LRBA: variants seen among roughly 807,000 people sequenced by gnomAD.
The protein encoded by LRBA is LPS responsive beige-like anchor protein.
Under a neutral mutation model 330.0 loss-of-function variants are expected in LRBA, and 176 were observed. That is an observed-to-expected ratio of 0.53 (90% confidence interval 0.47 to 0.60). The LOEUF (loss-of-function observed/expected upper bound fraction) is 0.60, where lower values mean the gene tolerates loss of function less well. LRBA is among the 20% of genes least tolerant of loss of function. The pLI is 0.00. For synonymous variants in LRBA, 1,230 were observed against 1,193.0 expected (o/e 1.03, Z -0.64); for missense variants, 3,259 against 3,444.8 (o/e 0.95, Z 1.35).
At position 150,583,543 on chromosome 4, in the gene LRBA, C is replaced by T; in HGVS notation, c.6330+4505G>A. On this transcript the variant is annotated intron_variant, in intron 40 of 56. Coordinates refer to ENST00000651943, the MANE Select transcript of LRBA (RefSeq NM_001364905.1). The surrounding 1 kb of genome is among the most constrained non-coding windows in gnomAD (Gnocchi z 9.8). ...GGAGCGCTATGTGGTGCAAATCACT[C>T]CGGCGTTCAAGTGCACCGGGATCTG... The T allele has an allele frequency of 6.2e-7, 1 of 1,613,824 alleles. No homozygotes were observed. Among genetic ancestry groups the T allele is most frequent in the South Asian group, 1.1e-5 (1 of 91,060 alleles).
At chr4:150,825,063 CA>C (rs1281550163) in intron 30 of LRBA, among the ~76,000 whole-genome samples, 2,384 of 120,562 alleles carry the variant, frequency 0.02, 36 homozygotes, top group African/African-American at 0.059. Context: ...TGCACCCAGA[CA>C]AAAAAAAAAA....
chr4:150,759,086 G>T (rs1055852431), intron 35 of LRBA, among the ~76,000 whole-genome samples: 2 of 150,538 alleles, frequency 1.3e-5, no homozygotes, highest in Non-Finnish European at 3.0e-5. Flanking sequence ...CAGGCTAATT[G>T]TTTGCATTTT....
intron 37 of LRBA, among the ~76,000 whole-genome samples, chr4:150,649,812 T>C (rs1010084908): frequency 6.6e-6 from 1 of 152,072 alleles, no homozygotes; most frequent in African/African-American, 2.4e-5. Context: ...TAGCAAATAC[T>C]CAATACATAT....
intron 40 of LRBA, among the ~76,000 whole-genome samples, chr4:150,526,066 G>T (rs1451811216): frequency 1.3e-5 from 2 of 152,050 alleles, no homozygotes; most frequent in Non-Finnish European, 2.9e-5. Flanking sequence ...ATTCATTTGT[G>T]AGGAATATAT....
At chr4:150,988,274 T>C (rs1455046203) in intron 2 of LRBA, among the ~76,000 whole-genome samples, 1 of 152,190 alleles carries the variant, frequency 6.6e-6, no homozygotes, top group Non-Finnish European at 1.5e-5. Flanking sequence ...TTATTGAGCA[T>C]GGTACTACTA....
intron 23 of LRBA, among the ~76,000 whole-genome samples, chr4:150,851,656 C>A (rs1750634570): frequency 6.6e-6 from 1 of 152,164 alleles, no homozygotes; most frequent in Non-Finnish European, 1.5e-5. Flanking sequence ...GTGGTAACTT[C>A]TGGTGATACT....
chr4:150,285,837 A>G, intron 54 of LRBA, 96 bp downstream of exon 54: 1 of 644,202 alleles, frequency 1.6e-6, no homozygotes, highest in Non-Finnish European at 2.5e-6. Context: ...TAACAGACAG[A>G]AGCTTTAGAA....
At chr4:150,964,115 G>A (rs1170475475) in intron 2 of LRBA, among the ~76,000 whole-genome samples, 3 of 148,254 alleles carry the variant, frequency 2.0e-5, no homozygotes, top group Admixed American at 1.3e-4. Flanking sequence ...CAGCCGCCCC[G>A]TCCAGGAGGT....
At chr4:150,906,468 G>C in intron 11 of LRBA, 63 bp from the exon 12 acceptor site, 4 of 907,462 alleles carry the variant, frequency 4.4e-6, no homozygotes, top group Non-Finnish European at 7.2e-6. Flanking sequence ...AATTAGGTTA[G>C]ATAGATGTAA....
At chr4:150,510,009 G>A (rs1361652679) in intron 40 of LRBA, among the ~76,000 whole-genome samples, 1 of 152,192 alleles carries the variant, frequency 6.6e-6, no homozygotes, top group Non-Finnish European at 1.5e-5. Context: ...GGTGGCACAT[G>A]CCTGTAATCC....
rs1750782150 is a variant in LRBA at position 150,852,930 on chromosome 4, A to T, written c.2780T>A (p.Ile927Lys). 1.9e-6 allele frequency: 3 copies of T among 1,561,600 alleles called. No homozygotes were observed. In the African/African-American group the frequency reaches 4.1e-5, roughly 21 times the overall value. ...TATATTGGCAAGGTTTTCTTTGTGT[A>T]TTTCAAAAGTGACCTAGGTGAAAAA... ...SITHSKVTFE[I>K]HKENLANIFR... Residue 927 changes from isoleucine to lysine, a missense_variant, in exon 23 of 57, where the codon ATA (isoleucine) becomes AAA (lysine). Coordinates refer to ENST00000651943, the MANE Select transcript of LRBA (RefSeq NM_001364905.1).
chr4:150,926,821 C>A (rs768957914), intron 4 of LRBA, among the ~76,000 whole-genome samples: 3 of 151,984 alleles, frequency 2.0e-5, no homozygotes, highest in African/African-American at 4.8e-5. Context: ...GCCTGTAATC[C>A]CAGCACTTTG....
chr4:150,760,873 G>T (rs932162063), intron 35 of LRBA, among the ~76,000 whole-genome samples: 1 of 152,128 alleles, frequency 6.6e-6, no homozygotes, highest in African/African-American at 2.4e-5. Context: ...GATTTTAGTA[G>T]TATTTAAAAT....
At chr4:150,727,593 AAAC>A (rs1467930016) in intron 36 of LRBA, among the ~76,000 whole-genome samples, 3 of 152,190 alleles carry the variant, frequency 2.0e-5, no homozygotes, top group Non-Finnish European at 4.4e-5. Context: ...TATTGAAATT[AAAC>A]AATATGTTCC....
At chr4:150,912,209 G>C (rs1426683938) in intron 9 of LRBA, among the ~76,000 whole-genome samples, 1 of 152,016 alleles carries the variant, frequency 6.6e-6, no homozygotes, top group African/African-American at 2.4e-5. Flanking sequence ...CCAGGTATAT[G>C]ACCTGTTAGG....
intron 34 of LRBA, among the ~76,000 whole-genome samples, chr4:150,771,640 C>A (rs1361282661): frequency 6.6e-6 from 1 of 152,096 alleles, no homozygotes; most frequent in Non-Finnish European, 1.5e-5. Flanking sequence ...AACTTGCTAC[C>A]AGGTAACAGG....
At chr4:150,421,152 T>A (rs183575321) in intron 46 of LRBA, among the ~76,000 whole-genome samples, 7,993 of 92,564 alleles carry the variant, frequency 0.086, 543 homozygotes, top group Middle Eastern at 0.13. Flanking sequence ...ATACATTATA[T>A]TATATATAAA....
rs560061169 is a variant in LRBA, at chr4:150,787,021, A to G, written c.5580+11060T>C. Among the ~76,000 whole-genome samples the G allele has an allele frequency of 5.3e-5, 8 of 152,298 alleles. No individual in the cohort carries two copies. The South Asian group carries it at 1.4e-3, about 28-fold the overall frequency. ...CAAAGGTGAGCAAATCACCTGAAGT[A>G]GAGAGTTCAAGACCAGCCTGGCCAA... On this transcript the variant is annotated intron_variant, in intron 34 of 56. Coordinates refer to ENST00000651943, the MANE Select transcript of LRBA (RefSeq NM_001364905.1).
intron 32 of LRBA, among the ~76,000 whole-genome samples, chr4:150,806,613 A>C (rs538842387): frequency 1.3e-5 from 2 of 152,234 alleles, no homozygotes; most frequent in South Asian, 2.1e-4. Flanking sequence ...AATCTCCAAC[A>C]AACAACCTGG....
Sources: gnomAD v4.1 joint callset for allele counts (sites outside exome capture counted in the v4.1 genomes callset) on GRCh38, gnomAD v4.1.1 for gene constraint, Gnocchi (gnomAD v3.1) non-coding constraint, MANE v1.5 for transcripts, NCBI Gene and HGNC (gene_info 2026-07-23, HGNC 2026-07-21) for gene names.